Variants in PAX5 observed in about 807,000 individuals in gnomAD.
PAX5 encodes the protein paired box protein Pax-5.
PAX5 carries 9 observed loss-of-function variants against 43.7 expected under a neutral mutation model. That is an observed-to-expected ratio of 0.21 (90% CI 0.12 to 0.36). The LOEUF (loss-of-function observed/expected upper bound fraction) is 0.36. Among genes scored for constraint, PAX5 ranks in the 10% least tolerant of loss-of-function variants. PAX5 has a pLI of 1.00. For synonymous variants in PAX5, 228 were observed against 214.3 expected, an observed-to-expected ratio of 1.06 and a Z score of -0.56; for missense variants, 383 against 532.7, an observed-to-expected ratio of 0.72 and a Z score of 2.77.
rs1563927570 is a variant in PAX5 at position 36,882,077 on chromosome 9, G to A, written c.939C>T (p.Pro313=). 6.9e-6 allele frequency: 11 copies of A among 1,604,906 alleles called. No individual in the cohort carries two copies. The highest frequency in any genetic ancestry group is 4.5e-5 in the East Asian group (2 of 44,426). ...TGRDLASTTL[P]GYPPHVPPAG... The stretch of plus-strand genomic sequence containing the variant: ...CGGGGGGGACGTGTGGAGGGTACCC[G>A]GGGAGGGTCGTGCTCGCCAAGTCAC... The change falls in exon 8 of 10, where the codon CCC becomes CCT. Residue 313 remains proline, a synonymous_variant. Transcript: ENST00000358127. The surrounding 1 kb of genome is among the most constrained non-coding windows in gnomAD (Gnocchi z 4.4).
intron 8 of PAX5, chr9:36,861,252 T>C (rs1055111084): frequency 6.6e-6 from 1 of 150,844 alleles, no homozygotes; most frequent in Non-Finnish European, 1.5e-5. Flanking sequence ...GCCTACTAGG[T>C]ACCAGGCCCA....
chr9:36,981,910 C>T (rs1425304067), intron 5 of PAX5, among the ~76,000 whole-genome samples: 1 of 152,232 alleles, frequency 6.6e-6, no homozygotes, highest in Non-Finnish European at 1.5e-5. Flanking sequence ...CAGTGAGCAC[C>T]TCCTAAGAGT....
intron 1 of PAX5, among the ~76,000 whole-genome samples, chr9:37,025,754 C>A (rs545478366): frequency 6.6e-6 from 1 of 152,360 alleles, no homozygotes; most frequent in African/African-American, 2.4e-5. Context: ...TGACCCTTCC[C>A]GTCTCCTACA....
Position 36,834,823 on chromosome 9 carries a change from G to A in PAX5, c.*5737C>T, listed in dbSNP as rs944843303. On this transcript the variant is annotated 3_prime_UTR_variant, in exon 10 of 10. Transcript: ENST00000358127. Reference sequence around the variant, plus strand: ...GATTTTGGGGACAAGGGCGACCAGCGGCCATAGCCACAGGGTCACAGGGTG... The same window carrying A: ...GATTTTGGGGACAAGGGCGACCAGCAGCCATAGCCACAGGGTCACAGGGTG... 5.1e-5 allele frequency: 8 copies of A among 155,392 alleles called. No homozygotes were observed. The South Asian group carries it at 7.6e-4, about 15-fold the overall frequency. 9.6% of individuals were successfully genotyped at this position (155,392 alleles called of 1,614,324 possible).
At chr9:37,002,839 C>T in intron 4 of PAX5, 63 bp from the exon 5 acceptor site, 1 of 1,544,176 alleles carries the variant, frequency 6.5e-7, no homozygotes, top group South Asian at 1.2e-5. Context: ...CCGGCTGTCA[C>T]CGCACGTGAG....
At chr9:36,989,200 G>C (rs1407568261) in intron 5 of PAX5, among the ~76,000 whole-genome samples, 1 of 152,232 alleles carries the variant, frequency 6.6e-6, no homozygotes, top group Non-Finnish European at 1.5e-5. Context: ...GATAATGGGG[G>C]AACAGGCAGA....
chr9:36,883,466 C>A (rs1478870449), intron 7 of PAX5, among the ~76,000 whole-genome samples: 1 of 152,128 alleles, frequency 6.6e-6, no homozygotes, highest in Non-Finnish European at 1.5e-5. Flanking sequence ...GAGTTCAAGA[C>A]CAGCCTGGCT....
At chr9:36,996,954 C>T (rs1837448931) in intron 5 of PAX5, among the ~76,000 whole-genome samples, 1 of 152,016 alleles carries the variant, frequency 6.6e-6, no homozygotes, top group South Asian at 2.1e-4. Flanking sequence ...CTAGTGAGAG[C>T]TAGACCGGGA....
chr9:36,942,438 C>T (rs544996168), intron 6 of PAX5, among the ~76,000 whole-genome samples: 4 of 152,358 alleles, frequency 2.6e-5, no homozygotes, highest in African/African-American at 9.6e-5. Context: ...ATCACAGAAG[C>T]GTTCACAGTG....
chr9:36,857,227 T>G (rs1205016579), intron 8 of PAX5, among the ~76,000 whole-genome samples: 1 of 152,222 alleles, frequency 6.6e-6, no homozygotes, highest in Non-Finnish European at 1.5e-5. Flanking sequence ...TCCCCAAGTT[T>G]CTAAAGTTCT....
intron 2 of PAX5, among the ~76,000 whole-genome samples, chr9:37,019,834 G>T (rs1839705973): frequency 6.6e-6 from 1 of 152,176 alleles, no homozygotes; most frequent in Admixed American, 6.5e-5. Flanking sequence ...GACCCAGATG[G>T]TCTAGGGGTC....
intron 3 of PAX5, among the ~76,000 whole-genome samples, chr9:37,010,509 C>A (rs1838832159): frequency 6.6e-6 from 1 of 152,162 alleles, no homozygotes; most frequent in Admixed American, 6.5e-5. Context: ...TTCAAACCCA[C>A]TTAGAATTTG....
Position 36,838,093 on chromosome 9 carries a change from T to C in PAX5, c.*2467A>G, listed in dbSNP as rs900795226. The C allele has an allele frequency of 1.3e-5, 3 of 233,168 alleles. No individual in the cohort carries two copies. The highest frequency in any genetic ancestry group is 4.4e-5 in the African/African-American group (2 of 45,344). 14.4% of individuals were successfully genotyped at this position (233,168 alleles called of 1,614,324 possible). ...CCAGGTAACATACCTTCTCCTACCT[T>C]ACCTGACAGGTGGAAGCTGCAGCCA... On this transcript the variant is annotated 3_prime_UTR_variant, in exon 10 of 10. Coordinates refer to ENST00000358127, the MANE Select transcript of PAX5 (RefSeq NM_016734.3).
intron 3 of PAX5, among the ~76,000 whole-genome samples, chr9:37,009,008 C>T (rs1838707131): frequency 6.6e-6 from 1 of 152,052 alleles, no homozygotes. Flanking sequence ...TATGGATATA[C>T]CAGACATAAA....
chr9:36,870,767 C>G (rs1825413552), intron 8 of PAX5, among the ~76,000 whole-genome samples: 1 of 152,238 alleles, frequency 6.6e-6, no homozygotes, highest in Non-Finnish European at 1.5e-5. Context: ...CCAACCTCAT[C>G]TTCCAGGAGC....
At chr9:37,008,432 A>G (rs1166399908) in intron 3 of PAX5, among the ~76,000 whole-genome samples, 1 of 152,328 alleles carries the variant, frequency 6.6e-6, no homozygotes, top group African/African-American at 2.4e-5. Flanking sequence ...GACCATTAAT[A>G]TCTGAAAGTT....
At chr9:37,027,817 C>T (rs1353536685) in intron 1 of PAX5, among the ~76,000 whole-genome samples, 4 of 152,276 alleles carry the variant, frequency 2.6e-5, no homozygotes, top group Non-Finnish European at 5.9e-5. Flanking sequence ...GCCCGAAACA[C>T]CGCCCCATTG....
intron 6 of PAX5, among the ~76,000 whole-genome samples, chr9:36,924,976 A>G (rs564084572): frequency 6.6e-6 from 1 of 152,102 alleles, no homozygotes; most frequent in South Asian, 2.1e-4. Context: ...GTCCAGGGTT[A>G]TGTCCTTGTC....
intron 5 of PAX5, among the ~76,000 whole-genome samples, chr9:36,979,829 C>T (rs1415163125): frequency 6.6e-6 from 1 of 152,186 alleles, no homozygotes; most frequent in Non-Finnish European, 1.5e-5. Flanking sequence ...AAATTCAAAT[C>T]AGAGAATTCT....
Sources: gnomAD v4.1 joint callset for allele counts (sites outside exome capture counted in the v4.1 genomes callset) on GRCh38, gnomAD v4.1.1 for gene constraint, Gnocchi (gnomAD v3.1) non-coding constraint, MANE v1.5 for transcripts, NCBI Gene and HGNC (gene_info 2026-07-23, HGNC 2026-07-21) for gene names.